Variants in DGKB observed in about 807,000 individuals in gnomAD.
The protein encoded by DGKB is diacylglycerol kinase beta, also known as 90 kDa diacylglycerol kinase.
DGKB carries 67 observed loss-of-function variants against 114.3 expected under a neutral mutation model. The ratio of observed to expected loss-of-function variants is 0.59; its 90% CI spans 0.48 to 0.72. The LOEUF is 0.72. Among genes scored for constraint, DGKB ranks in the 30% least tolerant of loss-of-function variants. DGKB has a pLI of 0.00. For synonymous variants in DGKB, 398 were observed against 323.1 expected (o/e 1.23, Z -2.49); for missense variants, 907 against 975.2 (o/e 0.93, Z 0.93).
At chr7:14,889,769 A>G (rs1780894213) in intron 1 of DGKB, among the ~76,000 whole-genome samples, 1 of 151,618 alleles carries the variant, frequency 6.6e-6, no homozygotes. Flanking sequence ...CAAACTGACA[A>G]AAACAAAAAG....
chr7:14,728,702 C>CT (rs35568497), intron 5 of DGKB, among the ~76,000 whole-genome samples: 13 of 140,290 alleles, frequency 9.3e-5, no homozygotes, highest in Middle Eastern at 3.7e-3. Flanking sequence ...TTCCAGCCTC[C>CT]TTTTTTTTTT....
intron 20 of DGKB, among the ~76,000 whole-genome samples, chr7:14,533,580 A>G (rs1356093700): frequency 6.6e-6 from 1 of 151,802 alleles, no homozygotes; most frequent in African/African-American, 2.4e-5. Flanking sequence ...CATGATCCAC[A>G]AGTAACCGAA....
chr7:14,351,319 T>G (rs1030619354), intron 21 of DGKB, among the ~76,000 whole-genome samples: 1 of 152,226 alleles, frequency 6.6e-6, no homozygotes, highest in Non-Finnish European at 1.5e-5. Context: ...GGGACCTGAT[T>G]CACCAGTGAA....
intron 23 of DGKB, among the ~76,000 whole-genome samples, chr7:14,247,855 A>G (rs1794704774): frequency 6.6e-6 from 1 of 152,056 alleles, no homozygotes; most frequent in African/African-American, 2.4e-5. Flanking sequence ...GTTTGATGCA[A>G]TATCACTTGT....
chr7:14,742,743 A>C lies in DGKB; in HGVS notation c.169-6549T>G, dbSNP rs183380982. Among the ~76,000 whole-genome samples the C allele has an allele frequency of 3.7e-3, 560 of 152,338 alleles. 3 individuals are homozygous for C. Among genetic ancestry groups the C allele is most frequent in the African/African-American group, 0.012 (510 of 41,592 alleles). ...TTTACATTAAAGTTTAAAATTGCTA[A>C]GAGTTACCATTATAACATGTAATTG... On this transcript the variant is annotated intron_variant, in intron 4 of 25. Transcript: ENST00000402815.
chr7:14,956,777 C>T (rs538848796), intron 1 of DGKB, among the ~76,000 whole-genome samples: 2 of 151,762 alleles, frequency 1.3e-5, no homozygotes, highest in African/African-American at 2.4e-5. Flanking sequence ...TGTAAAGATC[C>T]GTAGGTGTCA....
At chr7:14,861,040 G>A (rs1270722929) in intron 1 of DGKB, among the ~76,000 whole-genome samples, 1 of 151,826 alleles carries the variant, frequency 6.6e-6, no homozygotes, top group Non-Finnish European at 1.5e-5. Context: ...GATCAATATA[G>A]GGAGAATTCA....
intron 20 of DGKB, among the ~76,000 whole-genome samples, chr7:14,554,090 T>A (rs1233970056): frequency 6.6e-6 from 1 of 152,002 alleles, no homozygotes; most frequent in Admixed American, 6.6e-5. Flanking sequence ...GCCAGGATGA[T>A]CTCGATCTCC....
At chr7:14,188,022 G>A (rs2108204) in intron 23 of DGKB, among the ~76,000 whole-genome samples, 31,969 of 151,662 alleles carry the variant, frequency 0.21, 3,837 homozygotes, top group African/African-American at 0.32. Context: ...AGAACCAAGC[G>A]GAATTGGAGC....
chr7:14,276,127 A>C (rs1038752807), intron 23 of DGKB, among the ~76,000 whole-genome samples: 4 of 152,114 alleles, frequency 2.6e-5, no homozygotes, highest in Non-Finnish European at 5.9e-5. Flanking sequence ...TTTATTCTCA[A>C]CTTAGCACAG....
At chr7:14,351,248 C>T (rs1813371944) in intron 21 of DGKB, among the ~76,000 whole-genome samples, 1 of 152,146 alleles carries the variant, frequency 6.6e-6, no homozygotes, top group Non-Finnish European at 1.5e-5. Flanking sequence ...TCATTTATTC[C>T]TAAACGTAGT....
chr7:14,674,047 G>A (rs1819448394), intron 12 of DGKB, among the ~76,000 whole-genome samples: 1 of 152,102 alleles, frequency 6.6e-6, no homozygotes. Flanking sequence ...GGAGTCTAAT[G>A]AGAGTTGATT....
At chr7:14,170,737 T>C (rs1177575383) in intron 25 of DGKB, among the ~76,000 whole-genome samples, 2 of 152,218 alleles carry the variant, frequency 1.3e-5, no homozygotes, top group South Asian at 4.1e-4. Flanking sequence ...AGCTCCAGAA[T>C]ACTGTTTTTC....
intron 25 of DGKB, among the ~76,000 whole-genome samples, chr7:14,149,608 A>G (rs997254813): frequency 6.6e-6 from 1 of 152,136 alleles, no homozygotes; most frequent in African/African-American, 2.4e-5. Flanking sequence ...AAGTCAGGAA[A>G]GAAGGCACCA....
intron 22 of DGKB, among the ~76,000 whole-genome samples, chr7:14,341,544 T>G (rs772200194): frequency 6.6e-5 from 10 of 151,908 alleles, no homozygotes; most frequent in African/African-American, 9.7e-5. Context: ...CTGAATATTT[T>G]TATTAGGTAG....
intron 23 of DGKB, among the ~76,000 whole-genome samples, chr7:14,249,592 A>T (rs894171808): frequency 1.3e-5 from 2 of 152,050 alleles, no homozygotes; most frequent in East Asian, 3.9e-4. Flanking sequence ...TAGAAATTTA[A>T]CCATTTTTTC....
At position 14,165,726 on chromosome 7, in the gene DGKB, T is replaced by G. The variant is rs1784526232; in HGVS notation, c.2304+11113A>C. ...AGAAAGGATTTTCATGATATTCAAC[T>G]TCGAATGGGCCTTTGAAAGGACCAT... On this transcript the variant is annotated intron_variant, in intron 25 of 25. Coordinates refer to ENST00000402815, the MANE Select transcript of DGKB (RefSeq NM_001350709.2). Among the ~76,000 whole-genome samples, 3 of 152,316 alleles carry G rather than the reference T, an allele frequency of 2.0e-5. 1 individual carries two copies. In the South Asian group the frequency reaches 6.2e-4, roughly 32 times the overall value.
intron 1 of DGKB, among the ~76,000 whole-genome samples, chr7:14,861,835 G>A (rs1304638315): frequency 6.6e-6 from 1 of 151,946 alleles, no homozygotes; most frequent in Non-Finnish European, 1.5e-5. Flanking sequence ...TCCATTGTCT[G>A]AATACATCTT....
At chr7:14,391,751 T>C (rs1045369321) in intron 21 of DGKB, among the ~76,000 whole-genome samples, 1 of 152,150 alleles carries the variant, frequency 6.6e-6, no homozygotes, top group South Asian at 2.1e-4. Context: ...TTTAGATATA[T>C]TGACACTTGA....
Sources: gnomAD v4.1 joint callset for allele counts (sites outside exome capture counted in the v4.1 genomes callset) on GRCh38, gnomAD v4.1.1 for gene constraint, MANE v1.5 for transcripts, NCBI Gene and HGNC (gene_info 2026-07-23, HGNC 2026-07-21) for gene names.